Variants in SLC24A2 observed in about 807,000 individuals in gnomAD.
The protein encoded by SLC24A2 is solute carrier family 24 member 2, also known as sodium/potassium/calcium exchanger 2.
In SLC24A2, 36 loss-of-function variants were observed where a neutral mutation model predicts 62.0. The ratio of observed to expected loss-of-function variants is 0.58; its 90% CI spans 0.44 to 0.77. The LOEUF is 0.77. Among genes scored for constraint, SLC24A2 ranks in the 30% least tolerant of loss-of-function variants. SLC24A2 has a pLI of 0.00. For missense variants in SLC24A2, 846 were observed against 817.9 expected (o/e 1.03, Z -0.42); for synonymous variants, 358 against 294.0 (o/e 1.22, Z -2.23).
At chr9:20,243,572 G>C in the SLC24A2 span, among the ~76,000 whole-genome samples, 5 of 152,068 alleles carry the variant, frequency 3.3e-5, no homozygotes, top group African/African-American at 1.2e-4. Flanking sequence ...ATTGTAACAC[G>C]CTTACACATA....
the SLC24A2 span, among the ~76,000 whole-genome samples, chr9:20,267,187 T>C: frequency 3.3e-5 from 5 of 152,198 alleles, no homozygotes; most frequent in African/African-American, 9.6e-5. Context: ...TGCCAACCTA[T>C]AATATTTTAA....
the SLC24A2 span, among the ~76,000 whole-genome samples, chr9:20,088,974 A>G: frequency 6.6e-6 from 1 of 152,294 alleles, no homozygotes; most frequent in South Asian, 2.1e-4. Context: ...CCTAAAGAAA[A>G]GTGGTCAGAC....
intron 2 of SLC24A2, among the ~76,000 whole-genome samples, chr9:19,716,431 T>C (rs1224680630): frequency 6.6e-6 from 1 of 152,234 alleles, no homozygotes; most frequent in African/African-American, 2.4e-5. Flanking sequence ...ACAGGGTTCC[T>C]AGCTTCATGG....
At chr9:20,035,653 C>T in the SLC24A2 span, among the ~76,000 whole-genome samples, 1 of 152,116 alleles carries the variant, frequency 6.6e-6, no homozygotes, top group Non-Finnish European at 1.5e-5. Context: ...ATTCGGGAGG[C>T]TGAGGCTGAA....
At chr9:19,545,905 G>A (rs1277095950) in intron 8 of SLC24A2, among the ~76,000 whole-genome samples, 1 of 152,158 alleles carries the variant, frequency 6.6e-6, no homozygotes, top group Admixed American at 6.5e-5. Context: ...CCAGAGTGCT[G>A]GGATTACAGC....
the SLC24A2 span, among the ~76,000 whole-genome samples, chr9:20,081,477 G>A: frequency 8.9e-6 from 1 of 112,918 alleles, no homozygotes; most frequent in South Asian, 3.7e-4. Flanking sequence ...GGGGCTTGTT[G>A]AGGGGTGGGG....
chr9:19,959,454 T>G, the SLC24A2 span, among the ~76,000 whole-genome samples: 1 of 152,198 alleles, frequency 6.6e-6, no homozygotes, highest in Non-Finnish European at 1.5e-5. Context: ...GCCACGGTGA[T>G]TTATCACTTT....
chr9:19,515,985 G>GA lies in SLC24A2; in HGVS notation c.*167dup. 1.2e-6 allele frequency: 1 copy of GA among 834,888 alleles called. No individual in the cohort carries two copies. The highest frequency in any genetic ancestry group is 1.4e-5 in the South Asian group (1 of 71,992). The allele number at this position is 834,888 out of a possible 1,614,324, so 51.7% of individuals were successfully genotyped here. On this transcript the variant is annotated 3_prime_UTR_variant, in exon 11 of 11. Transcript: ENST00000341998. ...AGTAGGCAGGGTGGAAGCAGCCTGTGAAGTGAATGGGCCCAGTGTGAATCC... is the reference window on the plus strand; with the variant it reads ...AGTAGGCAGGGTGGAAGCAGCCTGTGAAAGTGAATGGGCCCAGTGTGAATCC...
chr9:20,102,311 T>C, the SLC24A2 span, among the ~76,000 whole-genome samples: 1 of 151,476 alleles, frequency 6.6e-6, no homozygotes, highest in Non-Finnish European at 1.5e-5. Flanking sequence ...TATGCAGCCA[T>C]AAAAAAAAGT....
At chr9:20,036,940 G>C in the SLC24A2 span, among the ~76,000 whole-genome samples, 1 of 151,360 alleles carries the variant, frequency 6.6e-6, no homozygotes, top group Admixed American at 6.6e-5. Flanking sequence ...TCGTTACCCA[G>C]GCTGGAGTGC....
At chr9:19,731,516 CGTGTGTGTGT>C (rs71496830) in intron 2 of SLC24A2, among the ~76,000 whole-genome samples, 3 of 113,710 alleles carry the variant, frequency 2.6e-5, no homozygotes, top group African/African-American at 7.9e-5. Context: ...TCTCTCTCTC[CGTGTGTGTGT>C]GTGTGTGTGT....
chr9:19,814,462 A>G, the SLC24A2 span, among the ~76,000 whole-genome samples: 5 of 152,160 alleles, frequency 3.3e-5, no homozygotes, highest in Non-Finnish European at 7.4e-5. Context: ...TATCAAAATC[A>G]TCCAACTCTC....
the SLC24A2 span, among the ~76,000 whole-genome samples, chr9:20,124,171 C>T: frequency 6.6e-6 from 1 of 152,068 alleles, no homozygotes; most frequent in African/African-American, 2.4e-5. Flanking sequence ...CTGAGCATAA[C>T]TATACGATTC....
chr9:19,905,426 G>C, the SLC24A2 span, among the ~76,000 whole-genome samples: 2 of 123,552 alleles, frequency 1.6e-5, no homozygotes, highest in Non-Finnish European at 3.4e-5. Flanking sequence ...TTTTTCTTTT[G>C]AGACAGAGTT....
chr9:20,108,878 A>T, the SLC24A2 span, among the ~76,000 whole-genome samples: 2 of 150,800 alleles, frequency 1.3e-5, no homozygotes, highest in Non-Finnish European at 1.5e-5. Flanking sequence ...AAGAAAACAT[A>T]AATGAAAATA....
At chr9:19,909,753 A>T in the SLC24A2 span, among the ~76,000 whole-genome samples, 1 of 152,076 alleles carries the variant, frequency 6.6e-6, no homozygotes, top group Non-Finnish European at 1.5e-5. Flanking sequence ...TGATACGAAG[A>T]CAGAAAACCC....
At chr9:19,970,828 T>C in the SLC24A2 span, among the ~76,000 whole-genome samples, 1 of 152,192 alleles carries the variant, frequency 6.6e-6, no homozygotes, top group Non-Finnish European at 1.5e-5. Flanking sequence ...ATATATTCAA[T>C]AACACCTTGG....
the SLC24A2 span, among the ~76,000 whole-genome samples, chr9:19,887,951 A>G: frequency 6.6e-6 from 1 of 152,290 alleles, no homozygotes; most frequent in Middle Eastern, 3.4e-3. Flanking sequence ...GAGCTAAGGT[A>G]TGAGGATGCA....
chr9:19,985,450 A>G, the SLC24A2 span, among the ~76,000 whole-genome samples: 5 of 152,206 alleles, frequency 3.3e-5, no homozygotes, highest in African/African-American at 4.8e-5. Flanking sequence ...ATGAATCTCA[A>G]AAGTATTACA....
Sources: gnomAD v4.1 joint callset for allele counts (sites outside exome capture counted in the v4.1 genomes callset) on GRCh38, gnomAD v4.1.1 for gene constraint, MANE v1.5 for transcripts, NCBI Gene and HGNC (gene_info 2026-07-23, HGNC 2026-07-21) for gene names.